The following RSPH9 variants were observed in gnomAD, a reference collection of about 807,000 sequenced individuals.
RSPH9 encodes the protein radial spoke head protein 9 homolog.
Under a neutral mutation model 27.0 loss-of-function variants are expected in RSPH9, and 27 were observed. The observed-to-expected ratio is 1.00, with a 90% CI of 0.74 to 1.38. The LOEUF is 1.38. RSPH9 is among the 40% of genes most tolerant of loss of function. The pLI is 0.00. For synonymous variants in RSPH9, 145 were observed against 147.7 expected, an observed-to-expected ratio of 0.98 and a Z score of 0.13; for missense variants, 347 against 357.4, an observed-to-expected ratio of 0.97 and a Z score of 0.24.
At position 43,655,777 on chromosome 6, in the gene RSPH9, G is replaced by C. The variant is rs1361673340; in HGVS notation, c.523+86G>C. On this transcript the variant is annotated intron_variant, in intron 3 of 4. Transcript: ENST00000372163. ...ATATGTCTGGGAGTCCAGCAGGGGG[G>C]CTTACACACTTTATCAGAGAAGGAG... The C allele has an allele frequency of 1.0e-5, 15 of 1,479,906 alleles. No homozygotes were observed. In the South Asian group the frequency reaches 1.5e-4, roughly 15 times the overall value. 91.7% of individuals were successfully genotyped at this position (1,479,906 alleles called of 1,614,324 possible). A position where few individuals can be genotyped will look rare whatever the true frequency, so the allele number is the denominator to read the frequency against.
chr6:43,655,496 G>A (rs1771911715), intron 2 of RSPH9, 66 bp from the exon 3 acceptor site: 5 of 1,598,032 alleles, frequency 3.1e-6, no homozygotes, highest in Admixed American at 3.3e-5. Context: ...GCCGTGCAGA[G>A]GGACCTTGCG....
chr6:43,664,628 G>C (rs1192418922), intron 4 of RSPH9, among the ~76,000 whole-genome samples: 3 of 152,236 alleles, frequency 2.0e-5, no homozygotes, highest in Non-Finnish European at 2.9e-5. Context: ...TGAGTGGGTA[G>C]GAGCTGCCAC....
chr6:43,647,383 G>A (rs972554100), intron 1 of RSPH9, among the ~76,000 whole-genome samples: 9 of 152,198 alleles, frequency 5.9e-5, no homozygotes, highest in African/African-American at 2.2e-4. Context: ...TGGCCTGAAA[G>A]TGTGGTGAGC....
intron 2 of RSPH9, among the ~76,000 whole-genome samples, chr6:43,651,649 A>G (rs1029586351): frequency 3.9e-5 from 6 of 151,924 alleles, no homozygotes; most frequent in African/African-American, 1.5e-4. Flanking sequence ...CCTGGGTTCA[A>G]GCAATTCTCC....
intron 4 of RSPH9, among the ~76,000 whole-genome samples, chr6:43,659,477 G>A (rs1462150235): frequency 7.2e-5 from 11 of 151,840 alleles, no homozygotes; most frequent in African/African-American, 2.2e-4. Context: ...CCGCCTCCCG[G>A]GTTCACGCCA....
chr6:43,669,411 C>A (rs894809667), intron 4 of RSPH9, among the ~76,000 whole-genome samples: 1 of 152,228 alleles, frequency 6.6e-6, no homozygotes, highest in African/African-American at 2.4e-5. Context: ...GTCAGGGGTT[C>A]CTGGCAATCA....
At chr6:43,669,281 G>A (rs1244316194) in intron 4 of RSPH9, among the ~76,000 whole-genome samples, 1 of 152,214 alleles carries the variant, frequency 6.6e-6, no homozygotes, top group Non-Finnish European at 1.5e-5. Context: ...AGTGAGCTTT[G>A]CGATTGGCTT....
intron 4 of RSPH9, chr6:43,666,582 G>A (rs1414407489): frequency 1.8e-6 from 2 of 1,097,170 alleles, no homozygotes; most frequent in East Asian, 2.6e-5. Flanking sequence ...CTTGGCTGAA[G>A]AGAGGAGTGG....
intron 4 of RSPH9, among the ~76,000 whole-genome samples, chr6:43,667,781 AT>A (rs148243628): frequency 1.2e-4 from 18 of 146,566 alleles, no homozygotes; most frequent in African/African-American, 2.7e-4. Flanking sequence ...ACCCATGGCC[AT>A]TTTTTTTTTG....
At position 43,656,695 on chromosome 6, in the gene RSPH9, G is replaced by A; in HGVS notation, c.642G>A (p.Met214Ile). Residue 214 changes from methionine to isoleucine, a missense_variant, in exon 4 of 5, where the codon ATG becomes ATA. By Grantham distance (10) the Met-to-Ile change is conservative. Transcript: ENST00000372163. Reference sequence around the variant, plus strand: ...ACCTGGACCCCTCCCTGGATTTCATGGACTCCTTGGAGCATGACATTCCCA... The same window carrying A: ...ACCTGGACCCCTCCCTGGATTTCATAGACTCCTTGGAGCATGACATTCCCA... ...KADLDPSLDF[M>I]DSLEHDIPKG... is the part of the protein sequence containing the mutation. 1.2e-6 allele frequency: 2 copies of A among 1,614,176 alleles called. No homozygotes were observed. The highest frequency in any genetic ancestry group is 1.7e-6 in the Non-Finnish European group (2 of 1,180,028).
chr6:43,667,412 G>A (rs1773251413), intron 4 of RSPH9, among the ~76,000 whole-genome samples: 1 of 140,270 alleles, frequency 7.1e-6, no homozygotes, highest in Non-Finnish European at 1.5e-5. Context: ...GGCAGCAGAG[G>A]GCAGCAACGC....
Position 43,671,074 on chromosome 6 carries a change from A to C in RSPH9, c.*125A>C. 8.2e-7 allele frequency: 1 copy of C among 1,223,810 alleles called. No homozygotes were observed. Among genetic ancestry groups the C allele is most frequent in the Non-Finnish European group, 1.2e-6 (1 of 854,140 alleles). The allele number at this position is 1,223,810 out of a possible 1,614,324, so 75.8% of individuals were successfully genotyped here. A position where few individuals can be genotyped will look rare whatever the true frequency, so the allele number is the denominator to read the frequency against. On this transcript the variant is annotated 3_prime_UTR_variant, in exon 5 of 5. Transcript: ENST00000372163. ...CACCTCCGTCTGGTTCCAGATTCTGAAAGGCCCACTGAGCCAGGGAGCTCA... is the reference window on the plus strand; with the variant it reads ...CACCTCCGTCTGGTTCCAGATTCTGCAAGGCCCACTGAGCCAGGGAGCTCA...
chr6:43,654,230 A>C (rs1771780783), intron 2 of RSPH9, among the ~76,000 whole-genome samples: 1 of 152,154 alleles, frequency 6.6e-6, no homozygotes, highest in Non-Finnish European at 1.5e-5. Flanking sequence ...CTCTTCCACA[A>C]AATCTCTATG....
At chr6:43,651,747 C>A (rs560285584) in intron 2 of RSPH9, among the ~76,000 whole-genome samples, 1 of 152,172 alleles carries the variant, frequency 6.6e-6, no homozygotes, top group South Asian at 2.1e-4. Context: ...CGGGGTTTTA[C>A]CATGTTGGCC....
chr6:43,669,990 A>C (rs1326067095), intron 4 of RSPH9, among the ~76,000 whole-genome samples: 1 of 152,230 alleles, frequency 6.6e-6, no homozygotes, highest in Non-Finnish European at 1.5e-5. Flanking sequence ...GAACTGCCCA[A>C]ATTTCTATTT....
At chr6:43,655,383 A>C (rs969079904) in intron 2 of RSPH9, among the ~76,000 whole-genome samples, 179 bp from the exon 3 acceptor site, 6 of 152,222 alleles carry the variant, frequency 3.9e-5, no homozygotes, top group Admixed American at 6.5e-5. Flanking sequence ...AAAACAAATA[A>C]AAAGAAAGGA....
rs934078058 is a variant in RSPH9 at position 43,671,511 on chromosome 6, T to G, written c.*562T>G. 42 of 557,124 alleles carry G rather than the reference T, an allele frequency of 7.5e-5. No individual in the cohort carries two copies. The highest frequency in any genetic ancestry group is 8.0e-5 in the Non-Finnish European group (25 of 311,664). The allele number at this position is 557,124 out of a possible 1,614,324, so 34.5% of individuals were successfully genotyped here. On this transcript the variant is annotated 3_prime_UTR_variant, in exon 5 of 5. Coordinates refer to ENST00000372163, the MANE Select transcript of RSPH9 (RefSeq NM_152732.5). ...TGGGCAAAACTCCTGTCCCCAGCAC[T>G]GAGCATGGCCTAAGCCCCATAGCAG...
chr6:43,645,326 G>A lies in RSPH9; in HGVS notation c.227+1G>A, dbSNP rs1434824709. On this transcript the variant is annotated splice_donor_variant, in intron 1 of 4. Transcript: ENST00000372163. LOFTEE classifies it high-confidence loss of function. Reference sequence around the variant, plus strand: ...TCGCACCGCGCAAGACGCTCTATAGGTGAGGAGGCCCCCGGGACGGGCTCC... The same window carrying A: ...TCGCACCGCGCAAGACGCTCTATAGATGAGGAGGCCCCCGGGACGGGCTCC... 6.2e-7 allele frequency: 1 copy of A among 1,608,476 alleles called. No individual in the cohort carries two copies. The highest frequency in any genetic ancestry group is 8.5e-7 in the Non-Finnish European group (1 of 1,176,844).
In RSPH9 at chr6:43,645,074, G is replaced by A. The variant is rs1390526920; in HGVS notation, c.-25G>A. On this transcript the variant is annotated 5_prime_UTR_variant, in exon 1 of 5. Transcript: ENST00000372163. ...GGCGGCTTCTCCTAGCAACTCGACG[G>A]GCGTTGAGCGGAGCCGCTGACCTGA... 3 of 1,600,666 alleles carry A rather than the reference G, an allele frequency of 1.9e-6. No individual in the cohort carries two copies. The African/African-American group carries it at 4.0e-5, about 21-fold the overall frequency.
Sources: gnomAD v4.1 joint callset for allele counts (sites outside exome capture counted in the v4.1 genomes callset) on GRCh38, gnomAD v4.1.1 for gene constraint, MANE v1.5 for transcripts, NCBI Gene and HGNC (gene_info 2026-07-23, HGNC 2026-07-21) for gene names.